The following SMARCA2 variants were observed in gnomAD, a reference collection of about 807,000 sequenced individuals.
SMARCA2 encodes the protein SWI/SNF-related matrix-associated actin-dependent regulator of chromatin subfamily A member 2.
In SMARCA2, 61 loss-of-function variants were observed where a neutral mutation model predicts 199.8. The observed-to-expected ratio is 0.31, with a 90% CI of 0.25 to 0.38. The LOEUF is 0.38. Among genes scored for constraint, SMARCA2 ranks in the 10% least tolerant of loss-of-function variants. The pLI is 1.00. For synonymous variants in SMARCA2, 935 were observed against 732.0 expected, an observed-to-expected ratio of 1.28 and a Z score of -4.48; for missense variants, 1,344 against 2,012.2, an observed-to-expected ratio of 0.67 and a Z score of 6.35.
chr9:2,034,553 T>A (rs10964501), intron 3 of SMARCA2, among the ~76,000 whole-genome samples: 70,273 of 152,068 alleles, frequency 0.46, 20,998 homozygotes, highest in African/African-American at 0.85. Flanking sequence ...TAATATGTAG[T>A]TATTCCAATT....
In SMARCA2 at chr9:2,161,749, C is replaced by A; in HGVS notation, c.4045C>A (p.Arg1349=). Residue 1349 remains arginine (R), a synonymous_variant, in exon 28 of 34, where the codon CGA becomes AGA. Transcript: ENST00000349721. The surrounding 1 kb of genome is among the most constrained non-coding windows in gnomAD (Gnocchi z 4.7). The part of the protein sequence containing the change: ...EEVRLKKRKR[R]RNVDKDPAKE... ...AGTACGGCTTAAGAAGCGAAAAAGA[C>A]GAAGAAATGTGGATAAAGATCCTGC... is the stretch of plus-strand genomic sequence containing the variant. 2 of 1,613,718 alleles carry A rather than the reference C, an allele frequency of 1.2e-6. No homozygotes were observed. The highest frequency in any genetic ancestry group is 1.7e-6 in the Non-Finnish European group (2 of 1,179,888).
At chr9:2,048,830 AATT>A (rs1438751415) in intron 5 of SMARCA2, among the ~76,000 whole-genome samples, 1 of 152,220 alleles carries the variant, frequency 6.6e-6, no homozygotes, top group Non-Finnish European at 1.5e-5. Flanking sequence ...CTGGGTGAAT[AATT>A]GCTGTGTGTT....
At chr9:2,088,416 A>G (rs968587925) in intron 18 of SMARCA2, 84 bp from the exon 19 acceptor site, 3 of 1,455,146 alleles carry the variant, frequency 2.1e-6, no homozygotes, top group Middle Eastern at 2.5e-4. Context: ...CATGTATTGA[A>G]CCACACATAT....
chr9:2,160,577 G>A (rs1260651254), intron 27 of SMARCA2: 2 of 702,154 alleles, frequency 2.8e-6, no homozygotes, highest in Admixed American at 2.0e-5. Context: ...ATACTCACAT[G>A]ATCATAAATA....
intron 29 of SMARCA2, among the ~76,000 whole-genome samples, chr9:2,176,011 G>C (rs1826562816): frequency 6.6e-6 from 1 of 151,948 alleles, no homozygotes; most frequent in African/African-American, 2.4e-5. Flanking sequence ...CTCCTGAGTA[G>C]CTGGGATTAT....
At chr9:2,164,588 A>G (rs1035879002) in intron 28 of SMARCA2, among the ~76,000 whole-genome samples, 2 of 152,210 alleles carry the variant, frequency 1.3e-5, no homozygotes, top group Non-Finnish European at 2.9e-5. Context: ...CTAATCAGGT[A>G]GGTGAATGGA....
intron 26 of SMARCA2, among the ~76,000 whole-genome samples, chr9:2,122,920 GT>G (rs1215288546): frequency 1.3e-5 from 2 of 152,166 alleles, no homozygotes; most frequent in Non-Finnish European, 2.9e-5. Context: ...GTGGCCCTTA[GT>G]TTATTTACAA....
intron 27 of SMARCA2, among the ~76,000 whole-genome samples, chr9:2,128,152 A>G (rs1387841357): frequency 6.6e-6 from 1 of 152,090 alleles, no homozygotes; most frequent in Non-Finnish European, 1.5e-5. Flanking sequence ...CCAAGATGGC[A>G]TCTGGATAAA....
In SMARCA2 at chr9:2,027,247, G is replaced by C. The variant is rs183493896; in HGVS notation, c.-36-1740G>C. On this transcript the variant is annotated intron_variant, in intron 1 of 33. Coordinates refer to ENST00000349721, the MANE Select transcript of SMARCA2 (RefSeq NM_003070.5). ...ACTTGAGGCCAGGAGTTCAAGACCA[G>C]CCTGGGCAATATAGTGAGACTCTGT... Among the ~76,000 whole-genome samples, 24 of 152,038 alleles carry C rather than the reference G, an allele frequency of 1.6e-4. 1 individual carries two copies. Among genetic ancestry groups the C allele is most frequent in the Admixed American group, 4.6e-4 (7 of 15,276 alleles).
At chr9:2,145,811 C>T (rs887738495) in intron 27 of SMARCA2, among the ~76,000 whole-genome samples, 6 of 152,104 alleles carry the variant, frequency 3.9e-5, no homozygotes, top group African/African-American at 1.2e-4. Flanking sequence ...TTGAGAAAAA[C>T]GAAGGCATTA....
rs1298205315 is a variant in SMARCA2, at chr9:2,017,457, G to T, written c.-37+2053G>T. ...GTCGGGAGCAGCGGCTCGGGCAGCT[G>T]CTCCTGCCCGCACCCTCCCCTGGAG... On this transcript the variant is annotated intron_variant, in intron 1 of 33. Transcript: ENST00000349721. This position sits in a 1 kb window ranked among gnomAD's most constrained non-coding sequence, Gnocchi z 8.8. The T allele has an allele frequency of 2.6e-5, 4 of 152,270 alleles. No individual in the cohort carries two copies. The East Asian group carries it at 7.8e-4, about 30-fold the overall frequency. The allele number at this position is 152,270 out of a possible 1,614,324, so 9.4% of individuals were successfully genotyped here. A position where few individuals can be genotyped will look rare whatever the true frequency, so the allele number is the denominator to read the frequency against.
chr9:2,137,873 T>C (rs992985014), intron 27 of SMARCA2, among the ~76,000 whole-genome samples: 2 of 152,212 alleles, frequency 1.3e-5, no homozygotes, highest in Non-Finnish European at 2.9e-5. Flanking sequence ...AATCATGTTT[T>C]TGTAACTAAG....
At chr9:2,124,486 A>G (rs1291698686) in intron 27 of SMARCA2, among the ~76,000 whole-genome samples, 1 of 152,188 alleles carries the variant, frequency 6.6e-6, no homozygotes, top group Non-Finnish European at 1.5e-5. Flanking sequence ...TTGATGAAGA[A>G]ACTGAGGCCC....
intron 24 of SMARCA2, among the ~76,000 whole-genome samples, chr9:2,111,491 C>CA (rs148112929): frequency 0.15 from 12,979 of 85,888 alleles, 872 homozygotes; most frequent in Non-Finnish European, 0.22. Flanking sequence ...GACCGTGTCT[C>CA]AAAAAAAAAA....
At chr9:2,079,486 G>C (rs1349137418) in intron 14 of SMARCA2, among the ~76,000 whole-genome samples, 7 of 152,222 alleles carry the variant, frequency 4.6e-5, no homozygotes, top group African/African-American at 1.2e-4. Context: ...TGAAGCACTA[G>C]CAGTTTTTAC....
chr9:2,039,535 G>T lies in SMARCA2; in HGVS notation c.425G>T (p.Gly142Val). ...GTCTCCAGCCCTATGTCTGGAGGAG[G>T]CCCAACTCCACCTCAGATGCCACCA... Reference protein sequence around the residue: ...EHVSSPMSGGGPTPPQMPPSQ... With the variant: ...EHVSSPMSGGVPTPPQMPPSQ... The change falls in exon 4 of 34, where the codon GGC becomes GTC. Residue 142 changes from glycine to valine, a missense_variant. This residue lies in a region of SMARCA2 where 275 missense variants were observed against 247.5 expected (regional missense o/e 1.11). Coordinates refer to ENST00000349721, the MANE Select transcript of SMARCA2 (RefSeq NM_003070.5). This position sits in a 1 kb window ranked among gnomAD's most constrained non-coding sequence, Gnocchi z 4.8. 6.2e-7 allele frequency: 1 copy of T among 1,614,044 alleles called. No homozygotes were observed. Among genetic ancestry groups the T allele is most frequent in the Non-Finnish European group, 8.5e-7 (1 of 1,179,994 alleles).
chr9:2,111,491 C>CAAAAAAA (rs148112929), intron 24 of SMARCA2, among the ~76,000 whole-genome samples: 1 of 86,968 alleles, frequency 1.1e-5, no homozygotes, highest in African/African-American at 3.6e-5. Flanking sequence ...GACCGTGTCT[C>CAAAAAAA]AAAAAAAAAA....
chr9:2,077,675 G>T lies in SMARCA2; in HGVS notation c.2083G>T (p.Ala695Ser), dbSNP rs1487783468. The part of the protein sequence containing the change: ...VDDEYSMQYS[A>S]RGSQSYYTVA... ...TGATGAATACAGCATGCAGTACAGT[G>T]CCAGGGGCTCCCAGTCCTACTACAC... The change falls in exon 14 of 34, where the codon GCC (alanine) becomes TCC (serine). Residue 695 changes from alanine (A) to serine (S), a missense_variant. This residue lies in a region of SMARCA2 where 106 missense variants were observed against 179.7 expected (regional missense o/e 0.59). Coordinates refer to ENST00000349721, the MANE Select transcript of SMARCA2 (RefSeq NM_003070.5). The T allele has an allele frequency of 2.5e-6, 4 of 1,614,094 alleles. No homozygotes were observed.
At chr9:2,143,459 T>A (rs1824561848) in intron 27 of SMARCA2, among the ~76,000 whole-genome samples, 1 of 152,126 alleles carries the variant, frequency 6.6e-6, no homozygotes, top group Non-Finnish European at 1.5e-5. Context: ...GAAGATACCA[T>A]TTGCATTGAA....
Sources: gnomAD v4.1 joint callset for allele counts (sites outside exome capture counted in the v4.1 genomes callset) on GRCh38, gnomAD v4.1.1 for gene constraint, gnomAD v4.1.1 regional missense constraint, Gnocchi (gnomAD v3.1) non-coding constraint, MANE v1.5 for transcripts, NCBI Gene and HGNC (gene_info 2026-07-23, HGNC 2026-07-21) for gene names.